The following SEC24B variants were observed in gnomAD, a reference collection of about 807,000 sequenced individuals.
The protein encoded by SEC24B is SEC24 homolog B, COPII component, also known as protein transport protein Sec24B.
A neutral mutation model predicts 142.8 loss-of-function variants in SEC24B; 45 were observed. The ratio of observed to expected loss-of-function variants is 0.32; its 90% CI spans 0.25 to 0.40. The LOEUF is 0.40. SEC24B is among the 10% of genes least tolerant of loss of function. The pLI is 1.00. For synonymous variants in SEC24B, 574 were observed against 568.2 expected, an observed-to-expected ratio of 1.01 and a Z score of -0.15; for missense variants, 1,409 against 1,526.8, an observed-to-expected ratio of 0.92 and a Z score of 1.29.
chr4:109,539,752 T>C lies in SEC24B; in HGVS notation c.*77T>C. On this transcript the variant is annotated 3_prime_UTR_variant, in exon 24 of 24. Transcript: ENST00000265175. ...TCTGTCAGAGAAGCGCGTGAGAAATTTGAAATGAAGGCATTTGTTAATACA... is the reference window on the plus strand; with the variant it reads ...TCTGTCAGAGAAGCGCGTGAGAAATCTGAAATGAAGGCATTTGTTAATACA... The C allele has an allele frequency of 1.0e-6, 1 of 961,488 alleles. No homozygotes were observed. The highest frequency in any genetic ancestry group is 1.6e-6 in the Non-Finnish European group (1 of 618,484). 59.6% of individuals were successfully genotyped at this position (961,488 alleles called of 1,614,324 possible).
chr4:109,484,037 A>G (rs1027938589), intron 4 of SEC24B, among the ~76,000 whole-genome samples: 24 of 152,246 alleles, frequency 1.6e-4, no homozygotes, highest in African/African-American at 5.5e-4. Flanking sequence ...GAAATAGAGC[A>G]TTGATGCAAT....
intron 4 of SEC24B, among the ~76,000 whole-genome samples, chr4:109,488,477 A>G (rs1734623436): frequency 6.6e-6 from 1 of 152,138 alleles, no homozygotes. Flanking sequence ...AATATTCCAT[A>G]TGTGAATGTA....
intron 1 of SEC24B, among the ~76,000 whole-genome samples, chr4:109,435,628 A>G (rs1452950550): frequency 1.3e-5 from 2 of 152,256 alleles, no homozygotes; most frequent in Non-Finnish European, 2.9e-5. Context: ...GCCAAGTGTA[A>G]TCAGGATGTT....
chr4:109,466,584 A>G (rs772567553), intron 2 of SEC24B, among the ~76,000 whole-genome samples: 47 of 152,026 alleles, frequency 3.1e-4, no homozygotes, highest in Middle Eastern at 3.4e-3. Flanking sequence ...CTAATTTTTT[A>G]TATTTTTAGT....
intron 22 of SEC24B, among the ~76,000 whole-genome samples, chr4:109,537,614 T>C (rs1725699034): frequency 6.6e-6 from 1 of 152,068 alleles, no homozygotes; most frequent in South Asian, 2.1e-4. Flanking sequence ...TGTACAGCCA[T>C]TGCACTCCAG....
At chr4:109,507,632 C>CT (rs1736838257) in intron 7 of SEC24B, among the ~76,000 whole-genome samples, 1 of 151,848 alleles carries the variant, frequency 6.6e-6, no homozygotes, top group South Asian at 2.1e-4. Flanking sequence ...AATATTTCCT[C>CT]TTTCTTTTTT....
Position 109,520,370 on chromosome 4 carries a change from C to T in SEC24B, c.2131C>T (p.Pro711Ser), listed in dbSNP as rs1283506278. 6.3e-7 allele frequency: 1 copy of T among 1,587,206 alleles called. No individual in the cohort carries two copies. Among genetic ancestry groups the T allele is most frequent in the South Asian group, 1.1e-5 (1 of 89,522 alleles). The change falls in exon 12 of 24, where the codon CCT (proline) becomes TCT (serine). Residue 711 changes from proline to serine, a missense_variant. By Grantham distance (74) the Pro-to-Ser change is moderately conservative. This residue lies in a region of SEC24B where 700 missense variants were observed against 853.3 expected (regional missense o/e 0.82). Transcript: ENST00000265175. ...QSLLENLDKL[P>S]GDSRTRIGFM... ...AATTGTCATTTTTATCTTTAGGCTT[C>T]CTGGAGATTCACGAACAAGAATAGG... is the stretch of plus-strand genomic sequence containing the variant.
At chr4:109,501,486 T>G (rs1736139364) in intron 6 of SEC24B, among the ~76,000 whole-genome samples, 1 of 152,260 alleles carries the variant, frequency 6.6e-6, no homozygotes, top group East Asian at 1.9e-4. Context: ...TTTCTTTTTT[T>G]GTGAGATGAA....
intron 6 of SEC24B, among the ~76,000 whole-genome samples, chr4:109,501,726 C>T (rs1045444195): frequency 3.9e-5 from 6 of 152,180 alleles, no homozygotes; most frequent in African/African-American, 1.4e-4. Flanking sequence ...CCTGCTTCGG[C>T]CTCCCAAAGT....
chr4:109,523,656 CATT>C (rs1233620428), intron 14 of SEC24B, among the ~76,000 whole-genome samples: 1 of 152,018 alleles, frequency 6.6e-6, no homozygotes, highest in Non-Finnish European at 1.5e-5. Flanking sequence ...GAGAAAATAT[CATT>C]ATAAGTAGTT....
chr4:109,476,161 A>G (rs1733113638), intron 3 of SEC24B, among the ~76,000 whole-genome samples: 1 of 151,746 alleles, frequency 6.6e-6, no homozygotes, highest in South Asian at 2.1e-4. Flanking sequence ...TAATTTTTGT[A>G]TTTTTAGTAG....
rs1227170486 is a variant in SEC24B, at chr4:109,532,636, C to G, written c.3391-3C>G. 1.2e-6 allele frequency: 2 copies of G among 1,607,812 alleles called. No individual in the cohort carries two copies. Among genetic ancestry groups the G allele is most frequent in the Non-Finnish European group, 1.7e-6 (2 of 1,175,036 alleles). ...CATTCACATTCTCTCTTTTTCTTTT[C>G]AGGGTGCAGTACATGTTAATGACAG... On this transcript the variant is annotated splice_polypyrimidine_tract_variant and splice_region_variant and intron_variant, in intron 20 of 23. Coordinates refer to ENST00000265175, the MANE Select transcript of SEC24B (RefSeq NM_006323.5).
rs553382929 is a variant in SEC24B, at chr4:109,456,954, A to C, written c.134-5947A>C. ...TATGTGTGAGTGCATGGTGGTGAAGAATATAGTAACTGCTAGTATTGCTTG... is the reference window on the plus strand; with the variant it reads ...TATGTGTGAGTGCATGGTGGTGAAGCATATAGTAACTGCTAGTATTGCTTG... On this transcript the variant is annotated intron_variant, in intron 1 of 23. Coordinates refer to ENST00000265175, the MANE Select transcript of SEC24B (RefSeq NM_006323.5). Among the ~76,000 whole-genome samples the C allele has an allele frequency of 5.3e-5, 8 of 152,318 alleles. No individual in the cohort carries two copies. In the South Asian group the frequency reaches 1.7e-3, roughly 32 times the overall value.
intron 19 of SEC24B, 84 bp from the exon 20 acceptor site, chr4:109,531,301 C>A (rs1313851402): frequency 8.6e-7 from 1 of 1,157,332 alleles, no homozygotes; most frequent in South Asian, 1.5e-5. Context: ...CATGCTTTTT[C>A]CATGATTGAC....
rs771041268 is a variant in SEC24B, at chr4:109,539,640, T to C, written c.3772T>C (p.Phe1258Leu). The C allele has an allele frequency of 3.7e-6, 6 of 1,613,550 alleles. No homozygotes were observed. In the South Asian group the frequency reaches 6.6e-5, roughly 18 times the overall value. The change falls in exon 24 of 24, where the codon TTT (phenylalanine) becomes CTT (leucine). Residue 1258 changes from phenylalanine to leucine, a missense_variant. Phe to Leu is a conservative substitution (Grantham distance 22). Transcript: ENST00000265175. ...AGAGGCTGCATTTTCTTACTATGAA[T>C]TTTTGCTTCATGTTCAGCAGCAGAT... ...RTEAAFSYYE[F>L]LLHVQQQICK
chr4:109,510,007 A>C lies in SEC24B; in HGVS notation c.1674-2A>C. The C allele has an allele frequency of 6.3e-7, 1 of 1,581,848 alleles. No homozygotes were observed. The highest frequency in any genetic ancestry group is 8.6e-7 in the Non-Finnish European group (1 of 1,162,138). On this transcript the variant is annotated splice_acceptor_variant, in intron 7 of 23. Transcript: ENST00000265175. LOFTEE classifies it high-confidence loss of function. Reference sequence around the variant, plus strand: ...CCTCCATGTTGTTTATGTTTTTTGCAGTTCATTTCGGTGTACTTTGACAAA... The same window carrying C: ...CCTCCATGTTGTTTATGTTTTTTGCCGTTCATTTCGGTGTACTTTGACAAA...
intron 1 of SEC24B, among the ~76,000 whole-genome samples, chr4:109,456,034 TTAAA>T (rs1464549247): frequency 6.6e-6 from 1 of 152,238 alleles, no homozygotes; most frequent in African/African-American, 2.4e-5. Context: ...TTCCATTTCT[TTAAA>T]TCCTTGCTTC....
At chr4:109,522,151 C>T (rs970387186) in intron 14 of SEC24B, among the ~76,000 whole-genome samples, 13 of 150,868 alleles carry the variant, frequency 8.6e-5, no homozygotes, top group South Asian at 2.1e-4. Flanking sequence ...TTCGGGTTCA[C>T]GCCATTCTCC....
chr4:109,530,661 G>A lies in SEC24B; in HGVS notation c.3252+197G>A, dbSNP rs1724806421. On this transcript the variant is annotated intron_variant, in intron 19 of 23. Transcript: ENST00000265175. ...TCACGCCTGTAATCCCAGCACTTTG[G>A]GAGGCCGAGGTGTGCGGATCAGCTG... 3.3e-5 allele frequency among the ~76,000 whole-genome samples: 5 copies of A among 152,066 alleles called. No homozygotes were observed. The South Asian group carries it at 1.0e-3, about 32-fold the overall frequency.
Sources: allele counts gnomAD v4.1 joint callset (sites outside exome capture counted in the v4.1 genomes callset), GRCh38; gene constraint gnomAD v4.1.1; regional missense constraint gnomAD v4.1.1; transcripts MANE v1.5; gene names NCBI Gene and HGNC (gene_info 2026-07-23, HGNC 2026-07-21).